CDH23: variants seen among roughly 807,000 people sequenced by gnomAD.
The protein encoded by CDH23 is cadherin related 23.
CDH23 carries 189 observed loss-of-function variants against 317.1 expected under a neutral mutation model. The observed-to-expected ratio is 0.60, with a 90% CI of 0.53 to 0.67. The LOEUF is 0.67. Among genes scored for constraint, CDH23 ranks in the 30% least tolerant of loss-of-function variants. The probability of loss-of-function intolerance (pLI) is 0.00; values close to 1 mark genes in which losing one functional copy is unlikely to be tolerated. For synonymous variants in CDH23, 1,839 were observed against 1,876.8 expected (o/e 0.98, Z 0.52); for missense variants, 4,401 against 4,592.4 (o/e 0.96, Z 1.20).
At chr10:71,451,629 C>G (rs1187605244) in intron 3 of CDH23, among the ~76,000 whole-genome samples, 3 of 152,224 alleles carry the variant, frequency 2.0e-5, no homozygotes, top group African/African-American at 4.8e-5. Context: ...TCCTGGGTCT[C>G]CTTGTTGGGG....
intron 11 of CDH23, among the ~76,000 whole-genome samples, chr10:71,641,741 C>T (rs1862560526): frequency 6.6e-6 from 1 of 152,140 alleles, no homozygotes; most frequent in African/African-American, 2.4e-5. Context: ...AAGCTACTTC[C>T]TCCACCCGAA....
At chr10:71,545,026 G>A (rs1856196463) in intron 6 of CDH23, among the ~76,000 whole-genome samples, 1 of 152,180 alleles carries the variant, frequency 6.6e-6, no homozygotes. Context: ...ACAGTAGCAG[G>A]AGGGGAAAGC....
intron 1 of CDH23, among the ~76,000 whole-genome samples, chr10:71,403,371 CTTTCTTTCTTTCTTTCTT>C: frequency 9.0e-6 from 1 of 111,148 alleles, no homozygotes; most frequent in African/African-American, 4.7e-5. Flanking sequence ...TTCTTTCTTT[CTTTCTTTCTTTCTTTCTT>C]TCTTTCTTTC....
At chr10:71,810,198 T>C (rs1841875639) in intron 61 of CDH23, 122 bp downstream of exon 61, 3 of 1,207,430 alleles carry the variant, frequency 2.5e-6, no homozygotes, top group Non-Finnish European at 3.5e-6. Flanking sequence ...AGTCCCTACT[T>C]AGTCATTTCC....
chr10:71,408,187 C>A (rs978347992), intron 1 of CDH23, among the ~76,000 whole-genome samples: 3 of 152,160 alleles, frequency 2.0e-5, no homozygotes, highest in Admixed American at 6.5e-5. Context: ...TGACATCCAT[C>A]TTTTTTGGAT....
At chr10:71,464,874 C>T (rs146068986) in intron 3 of CDH23, among the ~76,000 whole-genome samples, 12 of 152,336 alleles carry the variant, frequency 7.9e-5, no homozygotes, top group African/African-American at 2.6e-4. Flanking sequence ...GTCCCCCTTT[C>T]TCCTGTCCTT....
intron 6 of CDH23, among the ~76,000 whole-genome samples, chr10:71,540,540 TACCC>T (rs1286826853): frequency 2.0e-5 from 3 of 152,154 alleles, no homozygotes; most frequent in African/African-American, 7.2e-5. Flanking sequence ...CTGGTCTCAC[TACCC>T]CAGGAAGACC....
At chr10:71,530,092 C>T (rs1855283791) in intron 6 of CDH23, among the ~76,000 whole-genome samples, 1 of 149,292 alleles carries the variant, frequency 6.7e-6, no homozygotes, top group Non-Finnish European at 1.5e-5. Context: ...TCAGTCTCTG[C>T]CTGGCCGGTT....
In CDH23 at chr10:71,439,820, T is replaced by C; in HGVS notation, c.-5-7T>C. On this transcript the variant is annotated splice_polypyrimidine_tract_variant and splice_region_variant and intron_variant, in intron 1 of 69. Transcript: ENST00000224721. ...TCTCACCCTCTTCTCTTTCTTTGTGTCCCCAGGAGCCATGGGGCGCCATGT... is the reference window on the plus strand; with the variant it reads ...TCTCACCCTCTTCTCTTTCTTTGTGCCCCCAGGAGCCATGGGGCGCCATGT... 1 of 1,557,320 alleles carries C rather than the reference T, an allele frequency of 6.4e-7. No homozygotes were observed. The highest frequency in any genetic ancestry group is 8.7e-7 in the Non-Finnish European group (1 of 1,149,456).
At chr10:71,788,514 G>T (rs1263526718) in intron 44 of CDH23, among the ~76,000 whole-genome samples, 1 of 151,524 alleles carries the variant, frequency 6.6e-6, no homozygotes, top group Non-Finnish European at 1.5e-5. Context: ...GGAGTGCAGT[G>T]GCGTGATATC....
At chr10:71,629,528 G>A (rs968435149) in intron 11 of CDH23, among the ~76,000 whole-genome samples, 1 of 152,222 alleles carries the variant, frequency 6.6e-6, no homozygotes, top group Non-Finnish European at 1.5e-5. Flanking sequence ...GCCGCCTAAG[G>A]GAAGCAGGCA....
Position 71,650,613 on chromosome 10 carries a change from C to G in CDH23, c.1449+3996C>G, listed in dbSNP as rs189152047. Among the ~76,000 whole-genome samples, 4 of 152,272 alleles carry G rather than the reference C, an allele frequency of 2.6e-5. No homozygotes were observed. In the South Asian group the frequency reaches 8.3e-4, roughly 32 times the overall value. ...ACGACTACATGCATTTGGGGATGTG[C>G]GTACACTATATGCACAAGTCTCATG... On this transcript the variant is annotated intron_variant, in intron 14 of 69. Coordinates refer to ENST00000224721, the MANE Select transcript of CDH23 (RefSeq NM_022124.6).
chr10:71,559,850 G>A (rs1182400278), intron 6 of CDH23, among the ~76,000 whole-genome samples: 1 of 152,206 alleles, frequency 6.6e-6, no homozygotes, highest in East Asian at 1.9e-4. Flanking sequence ...TCAAATTATC[G>A]CTCCCCGATT....
At chr10:71,802,195 C>T (rs1314630125) in intron 53 of CDH23, among the ~76,000 whole-genome samples, 1 of 152,220 alleles carries the variant, frequency 6.6e-6, no homozygotes, top group African/African-American at 2.4e-5. Context: ...GTAATCCCAG[C>T]TACTTGGGAG....
chr10:71,446,666 G>A (rs1850186127), intron 3 of CDH23, among the ~76,000 whole-genome samples: 1 of 152,178 alleles, frequency 6.6e-6, no homozygotes, highest in African/African-American at 2.4e-5. Flanking sequence ...GCACTTGAAG[G>A]CCTTGTGAAT....
chr10:71,651,254 G>T (rs370002949), intron 14 of CDH23, among the ~76,000 whole-genome samples: 1 of 151,988 alleles, frequency 6.6e-6, no homozygotes, highest in East Asian at 1.9e-4. Flanking sequence ...AAGAGGCTGG[G>T]AGCAGTGGCT....
intron 14 of CDH23, among the ~76,000 whole-genome samples, chr10:71,649,765 A>T (rs1361148106): frequency 6.6e-6 from 1 of 152,200 alleles, no homozygotes; most frequent in East Asian, 1.9e-4. Context: ...GGTTGAAAAA[A>T]ATGTTGTATG....
chr10:71,489,848 G>A (rs1285956365), intron 3 of CDH23, among the ~76,000 whole-genome samples: 1 of 152,120 alleles, frequency 6.6e-6, no homozygotes, highest in Non-Finnish European at 1.5e-5. Context: ...GCAGATGTGG[G>A]CCATTAGGGT....
At chr10:71,792,840 AAAAAAAAAAAAAATATATATAT>A (rs1474347161) in intron 47 of CDH23, among the ~76,000 whole-genome samples, 1,422 of 74,922 alleles carry the variant, frequency 0.019, 34 homozygotes, top group African/African-American at 0.045. Flanking sequence ...AAAAAAAAAA[AAAAAAAAAAAAAATATATATAT>A]ATATATATAT....
Sources: allele counts gnomAD v4.1 joint callset (sites outside exome capture counted in the v4.1 genomes callset), GRCh38; gene constraint gnomAD v4.1.1; transcripts MANE v1.5; gene names NCBI Gene and HGNC (gene_info 2026-07-23, HGNC 2026-07-21).